The following UST variants were observed in gnomAD, a reference collection of about 807,000 sequenced individuals.
UST encodes the protein uronyl 2-sulfotransferase.
UST carries 21 observed loss-of-function variants against 45.6 expected under a neutral mutation model. That is an observed-to-expected ratio of 0.46 (90% CI 0.33 to 0.66). The LOEUF is 0.66. Among genes scored for constraint, UST ranks in the 30% least tolerant of loss-of-function variants. The pLI is 0.02. For synonymous variants in UST, 215 were observed against 200.6 expected (o/e 1.07, Z -0.61); for missense variants, 463 against 512.4 (o/e 0.90, Z 0.93).
chr6:148,747,292 C>G lies in UST; in HGVS notation c.-139C>G, dbSNP rs1171124484. Reference sequence around the variant, plus strand: ...GAAAGTCTCCTGAGCCCGGCAACTTCGGCCCCTCCCCGCCCCCACCCGGCT... The same window carrying G: ...GAAAGTCTCCTGAGCCCGGCAACTTGGGCCCCTCCCCGCCCCCACCCGGCT... On this transcript the variant is annotated 5_prime_UTR_variant, in exon 1 of 8. Transcript: ENST00000367463. 1 of 1,059,634 alleles carries G rather than the reference C, an allele frequency of 9.4e-7. No homozygotes were observed. Among genetic ancestry groups the G allele is most frequent in the East Asian group, 3.3e-5 (1 of 30,736 alleles). 65.6% of individuals were successfully genotyped at this position (1,059,634 alleles called of 1,614,324 possible).
At chr6:148,822,776 G>T (rs1777491206) in intron 1 of UST, among the ~76,000 whole-genome samples, 1 of 152,148 alleles carries the variant, frequency 6.6e-6, no homozygotes, top group Non-Finnish European at 1.5e-5. Flanking sequence ...CGTTACTTTT[G>T]CATTGAAAGC....
At chr6:148,903,913 T>A (rs1779309307) in intron 2 of UST, among the ~76,000 whole-genome samples, 1 of 152,188 alleles carries the variant, frequency 6.6e-6, no homozygotes, top group Non-Finnish European at 1.5e-5. Flanking sequence ...AAGCCATGAT[T>A]TATCTATGTC....
At chr6:148,986,845 C>T (rs1781247229) in intron 5 of UST, among the ~76,000 whole-genome samples, 1 of 152,246 alleles carries the variant, frequency 6.6e-6, no homozygotes, top group Admixed American at 6.5e-5. Context: ...GAAAGTTCCT[C>T]AAGGACAGAG....
At chr6:149,022,225 C>T (rs1356598278) in intron 7 of UST, among the ~76,000 whole-genome samples, 2 of 152,172 alleles carry the variant, frequency 1.3e-5, no homozygotes, top group East Asian at 1.9e-4. Context: ...GACAACAAGC[C>T]TTGAATACAC....
At chr6:148,917,661 G>C (rs1779615162) in intron 2 of UST, among the ~76,000 whole-genome samples, 1 of 152,204 alleles carries the variant, frequency 6.6e-6, no homozygotes, top group South Asian at 2.1e-4. Flanking sequence ...GCACAACCTG[G>C]GAAGCGGTGT....
intron 4 of UST, among the ~76,000 whole-genome samples, chr6:148,960,628 G>A (rs1323900761): frequency 3.9e-5 from 6 of 152,186 alleles, no homozygotes; most frequent in African/African-American, 9.7e-5. Context: ...TTTTGGAGAC[G>A]GGTGATAATG....
In UST at chr6:148,913,070, C is replaced by A. The variant is rs546516765; in HGVS notation, c.291+26041C>A. 5.3e-5 allele frequency among the ~76,000 whole-genome samples: 8 copies of A among 151,246 alleles called. No individual in the cohort carries two copies. In the South Asian group the frequency reaches 1.5e-3, roughly 28 times the overall value. ...CAAAGTTTTAGAGCACCTTAGAGATCTCAAATAACTTTGTGCAGAAATTTC... is the reference window on the plus strand; with the variant it reads ...CAAAGTTTTAGAGCACCTTAGAGATATCAAATAACTTTGTGCAGAAATTTC... On this transcript the variant is annotated intron_variant, in intron 2 of 7. Coordinates refer to ENST00000367463, the MANE Select transcript of UST (RefSeq NM_005715.3).
At chr6:148,949,764 G>A (rs966462859) in intron 3 of UST, among the ~76,000 whole-genome samples, 1 of 152,098 alleles carries the variant, frequency 6.6e-6, no homozygotes, top group Admixed American at 6.5e-5. Context: ...GGCTTTCTAG[G>A]GGATAAAGCC....
At chr6:149,047,354 G>C (rs1776410176) in intron 7 of UST, among the ~76,000 whole-genome samples, 1 of 152,180 alleles carries the variant, frequency 6.6e-6, no homozygotes, top group Non-Finnish European at 1.5e-5. Flanking sequence ...GAATGATGCT[G>C]CAATTATAGT....
At chr6:148,970,937 C>T (rs906107605) in intron 5 of UST, among the ~76,000 whole-genome samples, 15 of 152,194 alleles carry the variant, frequency 9.9e-5, no homozygotes, top group East Asian at 3.8e-4. Context: ...GGTCTGTAAC[C>T]GTACTCACAT....
At chr6:148,755,655 C>CT (rs1028707435) in intron 1 of UST, among the ~76,000 whole-genome samples, 190 of 133,822 alleles carry the variant, frequency 1.4e-3, no homozygotes, top group African/African-American at 3.4e-3. Context: ...TTTTTTTTTT[C>CT]TTTTTTTTTT....
chr6:148,993,554 G>A (rs1232483568), intron 5 of UST, among the ~76,000 whole-genome samples: 1 of 152,174 alleles, frequency 6.6e-6, no homozygotes, highest in Non-Finnish European at 1.5e-5. Context: ...ATAACAAGCT[G>A]ATACTGTTTG....
At chr6:149,048,571 A>AATAAAT (rs1436146750) in intron 7 of UST, among the ~76,000 whole-genome samples, 3 of 152,160 alleles carry the variant, frequency 2.0e-5, no homozygotes, top group African/African-American at 7.2e-5. Flanking sequence ...CACAGTAAAG[A>AATAAAT]ATAAATATGT....
intron 7 of UST, among the ~76,000 whole-genome samples, chr6:149,046,652 C>T (rs1388689633): frequency 6.6e-6 from 1 of 152,206 alleles, no homozygotes; most frequent in Non-Finnish European, 1.5e-5. Flanking sequence ...CCTCACAAAG[C>T]TGTTTTGAGG....
chr6:148,812,002 A>T (rs1272208725), intron 1 of UST, among the ~76,000 whole-genome samples: 2 of 152,192 alleles, frequency 1.3e-5, no homozygotes, highest in South Asian at 2.1e-4. Context: ...CAGTGCTATG[A>T]TCTTTAACAT....
At chr6:148,993,664 T>C (rs1415647094) in intron 5 of UST, among the ~76,000 whole-genome samples, 1 of 152,214 alleles carries the variant, frequency 6.6e-6, no homozygotes, top group Admixed American at 6.5e-5. Flanking sequence ...AAATTTTTCA[T>C]GAATGGTTTA....
intron 7 of UST, among the ~76,000 whole-genome samples, chr6:149,040,032 A>G (rs1357784131): frequency 6.6e-6 from 1 of 152,198 alleles, no homozygotes; most frequent in Non-Finnish European, 1.5e-5. Context: ...TACCTGGGTC[A>G]CTGGGTGGCC....
intron 1 of UST, among the ~76,000 whole-genome samples, chr6:148,821,505 C>T (rs568339496): frequency 6.6e-6 from 1 of 152,252 alleles, no homozygotes; most frequent in African/African-American, 2.4e-5. Flanking sequence ...ATGGCATCTG[C>T]CAAGTTTCTA....
At chr6:148,990,970 G>A (rs971393592) in intron 5 of UST, among the ~76,000 whole-genome samples, 1 of 152,174 alleles carries the variant, frequency 6.6e-6, no homozygotes, top group Non-Finnish European at 1.5e-5. Flanking sequence ...CCCTGGAACA[G>A]GAGTGAACAA....
Sources: gnomAD v4.1 joint callset for allele counts (sites outside exome capture counted in the v4.1 genomes callset) on GRCh38, gnomAD v4.1.1 for gene constraint, MANE v1.5 for transcripts, NCBI Gene and HGNC (gene_info 2026-07-23, HGNC 2026-07-21) for gene names.